CLVS1: variants seen among roughly 807,000 people sequenced by gnomAD.
CLVS1 encodes the protein clavesin 1.
In CLVS1, 10 loss-of-function variants were observed where a neutral mutation model predicts 33.1. The ratio of observed to expected loss-of-function variants is 0.30; its 90% CI spans 0.19 to 0.51. The LOEUF (loss-of-function observed/expected upper bound fraction) is 0.51. CLVS1 is among the 20% of genes least tolerant of loss of function. CLVS1 has a pLI of 0.97. For synonymous variants in CLVS1, 163 were observed against 166.1 expected (o/e 0.98, Z 0.14); for missense variants, 343 against 433.4 (o/e 0.79, Z 1.85).
At chr8:61,497,482 G>C (rs1169641765) in intron 5 of CLVS1, among the ~76,000 whole-genome samples, 1 of 143,014 alleles carries the variant, frequency 7.0e-6, no homozygotes, top group Admixed American at 7.3e-5. Flanking sequence ...CAGTACCTTT[G>C]TGACTGACCT....
intron 1 of CLVS1, among the ~76,000 whole-genome samples, chr8:61,066,966 G>A (rs1458308052): frequency 6.6e-6 from 1 of 152,058 alleles, no homozygotes; most frequent in Non-Finnish European, 1.5e-5. Context: ...CTGCAGTCTA[G>A]TCATCAAACA....
chr8:61,446,773 A>G (rs1299535346), intron 3 of CLVS1, among the ~76,000 whole-genome samples: 6 of 151,630 alleles, frequency 4.0e-5, no homozygotes, highest in Admixed American at 6.6e-5. Flanking sequence ...TTCAAACCAT[A>G]GTGCTTTACT....
intron 3 of CLVS1, among the ~76,000 whole-genome samples, chr8:61,414,632 T>G (rs1297005116): frequency 2.0e-5 from 3 of 152,188 alleles, no homozygotes; most frequent in African/African-American, 7.2e-5. Context: ...GGACCAGCTC[T>G]TCTTACCTTT....
rs535653195 is a variant in CLVS1 at position 61,144,974 on chromosome 8, A to C, written c.-152+13114A>C. 1.2e-4 allele frequency among the ~76,000 whole-genome samples: 18 copies of C among 152,264 alleles called. No homozygotes were observed. In the East Asian group the frequency reaches 3.5e-3, roughly 29 times the overall value. On this transcript the variant is annotated intron_variant, in intron 2 of 2. Transcript: ENST00000522621. ...TCGAACTCCTGACCTCAGGTGATCC[A>C]TTCACCTTGGCCTCCCAAAGTGCTG...
chr8:61,383,428 G>A (rs1323770676), intron 3 of CLVS1, among the ~76,000 whole-genome samples: 1 of 152,210 alleles, frequency 6.6e-6, no homozygotes, highest in Non-Finnish European at 1.5e-5. Context: ...ATTAAAGAAT[G>A]TTAGATAGAA....
At chr8:61,301,849 T>C (rs1354121016) in intron 2 of CLVS1, among the ~76,000 whole-genome samples, 2 of 152,204 alleles carry the variant, frequency 1.3e-5, no homozygotes, top group Admixed American at 1.3e-4. Flanking sequence ...AGATCATGCC[T>C]TTTTCATGTT....
chr8:61,205,858 A>G (rs1807828166), intron 2 of CLVS1, among the ~76,000 whole-genome samples: 1 of 152,202 alleles, frequency 6.6e-6, no homozygotes, highest in Admixed American at 6.5e-5. Flanking sequence ...TTTATTTGCT[A>G]AAGTTCTTTA....
intron 1 of CLVS1, among the ~76,000 whole-genome samples, chr8:61,076,062 G>A (rs1804904245): frequency 1.3e-5 from 2 of 152,186 alleles, no homozygotes; most frequent in South Asian, 4.1e-4. Flanking sequence ...GAAACAAGGT[G>A]TGTAACCTGG....
At chr8:61,484,852 C>A (rs1803812973) in intron 5 of CLVS1, among the ~76,000 whole-genome samples, 1 of 152,084 alleles carries the variant, frequency 6.6e-6, no homozygotes, top group African/African-American at 2.4e-5. Context: ...GAAAGGATTC[C>A]CTATTTAATA....
chr8:61,290,299 T>C (rs376920192), intron 1 of CLVS1, among the ~76,000 whole-genome samples: 2 of 152,230 alleles, frequency 1.3e-5, no homozygotes, highest in South Asian at 4.1e-4. Context: ...GCTGAGCTTA[T>C]TAATTTTTAT....
chr8:61,134,223 C>T (rs566218288), intron 2 of CLVS1, among the ~76,000 whole-genome samples: 3 of 152,298 alleles, frequency 2.0e-5, no homozygotes, highest in East Asian at 3.9e-4. Flanking sequence ...CTCTGCTCAG[C>T]ACATGCTTAG....
chr8:61,249,578 A>G (rs1025995331), intron 2 of CLVS1, among the ~76,000 whole-genome samples: 3 of 152,160 alleles, frequency 2.0e-5, no homozygotes, highest in Non-Finnish European at 4.4e-5. Context: ...CCTCTCCAGC[A>G]TCTATTATTT....
upstream of CLVS1, among the ~76,000 whole-genome samples, chr8:61,055,670 G>C (rs1804463079): frequency 6.6e-6 from 1 of 152,216 alleles, no homozygotes; most frequent in Non-Finnish European, 1.5e-5. Context: ...CTTCCCTTCT[G>C]TTGAGAGTGG....
intron 2 of CLVS1, among the ~76,000 whole-genome samples, chr8:61,356,226 C>A (rs1376555155): frequency 6.6e-6 from 1 of 152,116 alleles, no homozygotes; most frequent in Non-Finnish European, 1.5e-5. Context: ...TGAGAAGTGT[C>A]TGTTCATATC....
At chr8:61,223,687 T>C (rs1218851954) in intron 2 of CLVS1, among the ~76,000 whole-genome samples, 2 of 152,220 alleles carry the variant, frequency 1.3e-5, no homozygotes, top group Non-Finnish European at 2.9e-5. Context: ...AGTATCTTAA[T>C]GGTGTTCTCT....
chr8:61,336,866 C>G (rs544331757), intron 2 of CLVS1, among the ~76,000 whole-genome samples: 44 of 152,056 alleles, frequency 2.9e-4, no homozygotes, highest in African/African-American at 1.0e-3. Context: ...AATAAATAAA[C>G]AGGAAAAAAT....
intron 1 of CLVS1, among the ~76,000 whole-genome samples, chr8:61,081,043 G>A (rs145268885): frequency 8.8e-4 from 134 of 152,336 alleles, no homozygotes; most frequent in Middle Eastern, 6.8e-3. Flanking sequence ...TTGGTTGGGA[G>A]TAGGAGATCA....
chr8:61,282,523 G>C (rs371877222), intron 2 of CLVS1, among the ~76,000 whole-genome samples: 1 of 152,136 alleles, frequency 6.6e-6, no homozygotes, highest in East Asian at 1.9e-4. Flanking sequence ...GAGAACAAGC[G>C]GACATGGATT....
intron 1 of CLVS1, among the ~76,000 whole-genome samples, chr8:61,078,768 C>T (rs1014767957): frequency 1.3e-5 from 2 of 152,166 alleles, no homozygotes; most frequent in African/African-American, 2.4e-5. Context: ...TGCCTATTAG[C>T]TCTCCATGGC....
Sources: gnomAD v4.1 joint callset for allele counts (sites outside exome capture counted in the v4.1 genomes callset) on GRCh38, gnomAD v4.1.1 for gene constraint, MANE v1.5 for transcripts, NCBI Gene and HGNC (gene_info 2026-07-23, HGNC 2026-07-21) for gene names.